NTNG1: variants seen among roughly 807,000 people sequenced by gnomAD.
NTNG1 encodes the protein netrin G1.
A neutral mutation model predicts 54.0 loss-of-function variants in NTNG1; 16 were observed. The observed-to-expected ratio is 0.30, with a 90% confidence interval of 0.20 to 0.45. The LOEUF is 0.45. NTNG1 is among the 20% of genes least tolerant of loss of function. NTNG1 has a pLI of 1.00. For synonymous variants in NTNG1, 255 were observed against 263.1 expected, an observed-to-expected ratio of 0.97 and a Z score of 0.30; for missense variants, 530 against 678.7, an observed-to-expected ratio of 0.78 and a Z score of 2.43.
At chr1:107,281,861 G>A (rs895433832) in intron 2 of NTNG1, among the ~76,000 whole-genome samples, 1 of 152,074 alleles carries the variant, frequency 6.6e-6, no homozygotes, top group Non-Finnish European at 1.5e-5. Context: ...CCCAATGAAA[G>A]AAGGAGTATA....
At chr1:107,316,413 G>A (rs1390275107) in intron 2 of NTNG1, among the ~76,000 whole-genome samples, 1 of 152,156 alleles carries the variant, frequency 6.6e-6, no homozygotes, top group Non-Finnish European at 1.5e-5. Flanking sequence ...TTTGGATGAA[G>A]TAGAAAATTC....
At position 107,469,128 on chromosome 1, in the gene NTNG1, C is replaced by T. The variant is rs577857892; in HGVS notation, c.1391-11483C>T. ...AAAAAAAAAAAAACAACGAAAGGAG[C>T]GTTCCTGATCTTTTATTTCAAAGCA... On this transcript the variant is annotated intron_variant, in intron 7 of 7. Coordinates refer to ENST00000370068, the MANE Select transcript of NTNG1 (RefSeq NM_001113226.3). Among the ~76,000 whole-genome samples, 25 of 149,884 alleles carry T rather than the reference C, an allele frequency of 1.7e-4. No homozygotes were observed. In the South Asian group the frequency reaches 5.1e-3, roughly 30 times the overall value.
At position 107,376,434 on chromosome 1, in the gene NTNG1, A is replaced by G. The variant is rs1671266235; in HGVS notation, c.888-18720A>G. ...AAACAAAACAAAAAAAAAAACAAAA[A>G]AAAAAAATTTGCTATTGTATTTCCA... On this transcript the variant is annotated intron_variant, in intron 3 of 7. Transcript: ENST00000370068. Among the ~76,000 whole-genome samples, 2 of 151,974 alleles carry G rather than the reference A, an allele frequency of 1.3e-5. 1 individual carries two copies. The highest frequency in any genetic ancestry group is 4.8e-5 in the African/African-American group (2 of 41,420).
chr1:107,480,599 C>CA lies in NTNG1; in HGVS notation c.1391-12_1391-11insA. 1.4e-6 allele frequency: 2 copies of CA among 1,452,566 alleles called. No individual in the cohort carries two copies. The highest frequency in any genetic ancestry group is 1.4e-5 in the African/African-American group (1 of 71,908). 90.0% of individuals were successfully genotyped at this position (1,452,566 alleles called of 1,614,324 possible). A position where few individuals can be genotyped will look rare whatever the true frequency, so the allele number is the denominator to read the frequency against. On this transcript the variant is annotated splice_polypyrimidine_tract_variant and intron_variant, in intron 7 of 7. Coordinates refer to ENST00000370068, the MANE Select transcript of NTNG1 (RefSeq NM_001113226.3). ...GCGCCCACCCACCCCTACCTTCCCCCTCATTCTGCAGCGAATGTCTGCGAC... is the reference window on the plus strand; with the variant it reads ...GCGCCCACCCACCCCTACCTTCCCCCATCATTCTGCAGCGAATGTCTGCGAC...
intron 7 of NTNG1, among the ~76,000 whole-genome samples, chr1:107,455,356 G>T (rs979157173): frequency 6.6e-6 from 1 of 152,158 alleles, no homozygotes; most frequent in Non-Finnish European, 1.5e-5. Context: ...GAGCCACCAC[G>T]CCCAGCCCAT....
intron 2 of NTNG1, among the ~76,000 whole-genome samples, chr1:107,168,164 G>C (rs1016102759): frequency 2.0e-5 from 3 of 151,628 alleles, no homozygotes; most frequent in African/African-American, 7.3e-5. Flanking sequence ...CTCCCTCCCC[G>C]CATCCCCCTT....
At chr1:107,435,849 G>A (rs1675562667) in intron 6 of NTNG1, among the ~76,000 whole-genome samples, 1 of 152,060 alleles carries the variant, frequency 6.6e-6, no homozygotes, top group African/African-American at 2.4e-5. Context: ...CCAGCTAATA[G>A]AAGCCTAAAG....
intron 2 of NTNG1, among the ~76,000 whole-genome samples, chr1:107,307,052 G>A (rs901735055): frequency 6.6e-6 from 1 of 152,176 alleles, no homozygotes; most frequent in Non-Finnish European, 1.5e-5. Context: ...GGAGAATTGT[G>A]TTCTTTCTAA....
At chr1:107,191,286 C>T (rs1307836191) in intron 2 of NTNG1, among the ~76,000 whole-genome samples, 1 of 149,808 alleles carries the variant, frequency 6.7e-6, no homozygotes, top group Admixed American at 6.7e-5. Context: ...TTGTTTTTTT[C>T]TTGTAAATTT....
At chr1:107,146,757 A>G (rs1356886773) in intron 1 of NTNG1, among the ~76,000 whole-genome samples, 1 of 152,070 alleles carries the variant, frequency 6.6e-6, no homozygotes, top group Non-Finnish European at 1.5e-5. Flanking sequence ...CCATAAAGCA[A>G]TTATTATAAA....
intron 3 of NTNG1, among the ~76,000 whole-genome samples, chr1:107,373,349 C>T (rs375362586): frequency 2.0e-5 from 3 of 151,916 alleles, no homozygotes; most frequent in African/African-American, 7.3e-5. Context: ...AATATAACAA[C>T]CTTACAATAG....
chr1:107,416,599 T>C (rs889609892), intron 5 of NTNG1, among the ~76,000 whole-genome samples: 29 of 152,158 alleles, frequency 1.9e-4, no homozygotes, highest in Middle Eastern at 3.4e-3. Context: ...TACACTAAAA[T>C]ACAGGCACAG....
intron 7 of NTNG1, among the ~76,000 whole-genome samples, chr1:107,464,511 G>A (rs766202846): frequency 1.3e-5 from 2 of 152,174 alleles, no homozygotes; most frequent in African/African-American, 4.8e-5. Context: ...CCTACGGAAC[G>A]AAGGGTGAAT....
At chr1:107,246,201 G>A (rs990961768) in intron 2 of NTNG1, among the ~76,000 whole-genome samples, 2 of 151,974 alleles carry the variant, frequency 1.3e-5, no homozygotes, top group Non-Finnish European at 2.9e-5. Flanking sequence ...ACAGGCACCT[G>A]CCACCACGCC....
chr1:107,364,679 A>T (rs1465082168), intron 3 of NTNG1, among the ~76,000 whole-genome samples: 1 of 152,132 alleles, frequency 6.6e-6, no homozygotes, highest in Non-Finnish European at 1.5e-5. Context: ...TTTTCCTCCT[A>T]ACATGTATTG....
intron 2 of NTNG1, among the ~76,000 whole-genome samples, chr1:107,197,006 C>T (rs1658389218): frequency 1.3e-5 from 2 of 151,642 alleles, no homozygotes; most frequent in South Asian, 2.1e-4. Flanking sequence ...TACAGGACAA[C>T]CAGTTAAGTT....
intron 3 of NTNG1, among the ~76,000 whole-genome samples, chr1:107,331,027 A>G (rs986282527): frequency 9.9e-5 from 15 of 152,006 alleles, no homozygotes; most frequent in African/African-American, 3.4e-4. Context: ...CAGGTACCTT[A>G]TTTCCTTTAG....
chr1:107,453,483 A>G (rs938862121), intron 7 of NTNG1, among the ~76,000 whole-genome samples: 3 of 152,196 alleles, frequency 2.0e-5, no homozygotes, highest in Non-Finnish European at 2.9e-5. Flanking sequence ...TCCAGCTACA[A>G]GAGTGTGCAT....
chr1:107,401,212 C>A (rs1673011943), intron 4 of NTNG1, among the ~76,000 whole-genome samples: 1 of 152,096 alleles, frequency 6.6e-6, no homozygotes, highest in Non-Finnish European at 1.5e-5. Flanking sequence ...CGGATTTTCA[C>A]AGGCCTCCCC....
Sources: gnomAD v4.1 joint callset for allele counts (sites outside exome capture counted in the v4.1 genomes callset) on GRCh38, gnomAD v4.1.1 for gene constraint, MANE v1.5 for transcripts, NCBI Gene and HGNC (gene_info 2026-07-23, HGNC 2026-07-21) for gene names.